The following PIGL variants were observed in gnomAD, a reference collection of about 807,000 sequenced individuals.
PIGL encodes phosphatidylinositol glycan anchor biosynthesis class L.
In PIGL, 22 loss-of-function variants were observed where a neutral mutation model predicts 31.1. That is an observed-to-expected ratio of 0.71 (90% confidence interval 0.51 to 1.01). The LOEUF is 1.01. PIGL is among the 50% of genes least tolerant of loss of function. PIGL has a pLI of 0.00. For synonymous variants in PIGL, 131 were observed against 117.4 expected (o/e 1.12, Z -0.75); for missense variants, 302 against 315.9 (o/e 0.96, Z 0.33).
In PIGL at chr17:16,313,571, G is replaced by C; in HGVS notation, c.451G>C (p.Val151Leu). The C allele has an allele frequency of 6.2e-7, 1 of 1,613,990 alleles. No individual in the cohort carries two copies. Among genetic ancestry groups the C allele is most frequent in the Admixed American group, 1.7e-5 (1 of 60,024 alleles). Residue 151 changes from valine (V) to leucine (L), a missense_variant, in exon 4 of 7, where the codon GTA (valine) becomes CTA (leucine). By Grantham distance (32) the Val-to-Leu change is conservative. Coordinates refer to ENST00000225609, the MANE Select transcript of PIGL (RefSeq NM_004278.4). ...GGTGGTGACTTTCGATGCAGGGGGA[G>C]TAAGTGGCCACAGCAATCACATTGC... ...NLVVTFDAGG[V>L]SGHSNHIALY... is the part of the protein sequence containing the mutation.
intron 4 of PIGL, among the ~76,000 whole-genome samples, chr17:16,315,372 C>G (rs3785622): frequency 0.4 from 60,748 of 152,124 alleles, 13,701 homozygotes; most frequent in Middle Eastern, 0.52. Context: ...CTGCCTGTCC[C>G]TCACTGCAAT....
chr17:16,265,538 C>T (rs2092838575), intron 2 of PIGL, among the ~76,000 whole-genome samples: 1 of 151,782 alleles, frequency 6.6e-6, no homozygotes, highest in Non-Finnish European at 1.5e-5. Flanking sequence ...GTGAGGAGTT[C>T]GAGACCAACC....
chr17:16,256,430 C>T (rs184731689), intron 2 of PIGL, among the ~76,000 whole-genome samples: 228 of 152,210 alleles, frequency 1.5e-3, no homozygotes, highest in Non-Finnish European at 2.4e-3. Flanking sequence ...CTCCACCTCC[C>T]GATTCCTCTG....
chr17:16,218,392 T>TACAAA (rs566541833), intron 1 of PIGL, among the ~76,000 whole-genome samples: 97 of 152,322 alleles, frequency 6.4e-4, no homozygotes, highest in African/African-American at 2.2e-3. Flanking sequence ...GCCCTAGGGA[T>TACAAA]ACAAAAGTGG....
intron 1 of PIGL, chr17:16,217,990 A>G (rs1309075255): frequency 1.3e-5 from 2 of 152,272 alleles, no homozygotes; most frequent in African/African-American, 4.8e-5. Context: ...AGGTAATTTT[A>G]GAGTTCAACT....
chr17:16,227,354 G>T (rs928857029), intron 1 of PIGL, among the ~76,000 whole-genome samples: 4 of 151,794 alleles, frequency 2.6e-5, no homozygotes, highest in Admixed American at 1.3e-4. Flanking sequence ...CAAGTAATCC[G>T]CCTGCCTTGG....
chr17:16,320,243 A>AG (rs1171882948), intron 6 of PIGL, among the ~76,000 whole-genome samples: 10 of 85,924 alleles, frequency 1.2e-4, no homozygotes, highest in African/African-American at 4.5e-4. Flanking sequence ...GGAAGGAAGG[A>AG]AGGAAGGAAA....
chr17:16,299,854 G>T, intron 2 of PIGL, 34 bp from the exon 3 acceptor site: 1 of 1,486,530 alleles, frequency 6.7e-7, no homozygotes, highest in Non-Finnish European at 9.4e-7. Context: ...TGCCTGATTA[G>T]AAAAGGTGTT....
Position 16,258,793 on chromosome 17 carries a change from G to A in PIGL, c.335+24723G>A, listed in dbSNP as rs116450541. Among the ~76,000 whole-genome samples the A allele has an allele frequency of 4.1e-3, 629 of 152,258 alleles. 6 individuals carry two copies. Among genetic ancestry groups the A allele is most frequent in the African/African-American group, 0.014 (602 of 41,572 alleles). The stretch of plus-strand genomic sequence containing the variant: ...TAGGATTAAAGGTGTGAGCCACCAC[G>A]TCCAGCCTGGAAGTAGACATTTTTT... On this transcript the variant is annotated intron_variant, in intron 2 of 6. Transcript: ENST00000225609.
intron 2 of PIGL, among the ~76,000 whole-genome samples, chr17:16,238,486 A>G (rs1436815210): frequency 7.3e-6 from 1 of 137,850 alleles, no homozygotes; most frequent in Non-Finnish European, 1.5e-5. Flanking sequence ...CCCAGGCTGC[A>G]GTGCAGTGGT....
intron 2 of PIGL, among the ~76,000 whole-genome samples, chr17:16,296,913 G>C (rs1406761938): frequency 6.6e-6 from 1 of 151,796 alleles, no homozygotes; most frequent in Non-Finnish European, 1.5e-5. Context: ...GTAGAGATGG[G>C]GTTTCACCGT....
intron 6 of PIGL, among the ~76,000 whole-genome samples, chr17:16,325,452 CTATT>C (rs1167662259): frequency 4.6e-5 from 7 of 151,666 alleles, no homozygotes; most frequent in South Asian, 2.1e-4. Context: ...GTTTCCTCAT[CTATT>C]TATTTTTTAA....
At chr17:16,265,390 G>A (rs1171407292) in intron 2 of PIGL, among the ~76,000 whole-genome samples, 2 of 152,068 alleles carry the variant, frequency 1.3e-5, no homozygotes, top group Non-Finnish European at 2.9e-5. Context: ...TGACTGCATA[G>A]GTGCTCAAGA....
chr17:16,317,841 C>T lies in PIGL; in HGVS notation c.593C>T (p.Pro198Leu), dbSNP rs186275035. Reference protein sequence around the residue: ...LRKYISLLDLPLSLLHTQDVL... With the variant: ...LRKYISLLDLLLSLLHTQDVL... ...AAGTACATCTCCCTTCTGGATCTGCCCTTGTCTCTGCTTCATACGCAGGAT... is the reference window on the plus strand; with the variant it reads ...AAGTACATCTCCCTTCTGGATCTGCTCTTGTCTCTGCTTCATACGCAGGAT... The change falls in exon 6 of 7, where the codon CCC becomes CTC. Residue 198 changes from proline to leucine, a missense_variant. Physicochemically the swap from Pro to Leu is moderately conservative, Grantham distance 98. Coordinates refer to ENST00000225609, the MANE Select transcript of PIGL (RefSeq NM_004278.4). 4.0e-5 allele frequency: 65 copies of T among 1,614,118 alleles called. No homozygotes were observed. Among genetic ancestry groups the T allele is most frequent in the Admixed American group, 8.3e-5 (5 of 60,030 alleles).
chr17:16,316,845 C>T, intron 5 of PIGL, 133 bp downstream of exon 5: 1 of 1,488,012 alleles, frequency 6.7e-7, no homozygotes, highest in Non-Finnish European at 9.1e-7. Context: ...CCGCCACACT[C>T]TTCCTGACTC....
At chr17:16,301,685 C>T (rs978755592) in intron 3 of PIGL, among the ~76,000 whole-genome samples, 2 of 151,672 alleles carry the variant, frequency 1.3e-5, no homozygotes. Flanking sequence ...CATTCTCCTG[C>T]CTCAGCCTCC....
At chr17:16,280,506 G>C (rs1296057385) in intron 2 of PIGL, among the ~76,000 whole-genome samples, 1 of 151,856 alleles carries the variant, frequency 6.6e-6, no homozygotes, top group African/African-American at 2.4e-5. Flanking sequence ...TTATTTTTTA[G>C]AGCAGTTTTA....
intron 6 of PIGL, 123 bp from the exon 7 acceptor site, chr17:16,325,677 A>T: frequency 1.4e-6 from 1 of 731,192 alleles, no homozygotes. Context: ...AAGAAGACAG[A>T]TAAGGCTATA....
intron 1 of PIGL, among the ~76,000 whole-genome samples, chr17:16,222,100 A>G (rs1424004821): frequency 6.6e-6 from 1 of 152,160 alleles, no homozygotes; most frequent in Non-Finnish European, 1.5e-5. Context: ...GTGTGGATTA[A>G]ACATTATCTA....
Sources: gnomAD v4.1 joint callset for allele counts (sites outside exome capture counted in the v4.1 genomes callset) on GRCh38, gnomAD v4.1.1 for gene constraint, MANE v1.5 for transcripts, NCBI Gene and HGNC (gene_info 2026-07-23, HGNC 2026-07-21) for gene names.